NIPBL: variants seen among roughly 807,000 people sequenced by gnomAD.
NIPBL encodes the protein NIPBL cohesin loading factor.
In NIPBL, 19 loss-of-function variants were observed where a neutral mutation model predicts 321.8. The ratio of observed to expected loss-of-function variants is 0.06; its 90% CI spans 0.04 to 0.09. NIPBL has a LOEUF of 0.09. Among genes scored for constraint, NIPBL ranks in the 10% least tolerant of loss-of-function variants. The pLI is 1.00. For synonymous variants in NIPBL, 1,106 were observed against 1,114.1 expected, an observed-to-expected ratio of 0.99 and a Z score of 0.14; for missense variants, 2,210 against 3,327.0, an observed-to-expected ratio of 0.66 and a Z score of 8.26.
At chr5:37,021,985 C>T (rs1458358230) in intron 27 of NIPBL, 66 bp from the exon 28 acceptor site, 1 of 1,186,860 alleles carries the variant, frequency 8.4e-7, no homozygotes. Context: ...TGCATGTTTT[C>T]ATGCTATTTT....
chr5:37,013,412 A>G (rs1262231426), intron 21 of NIPBL, among the ~76,000 whole-genome samples: 1 of 136,892 alleles, frequency 7.3e-6, no homozygotes, highest in Non-Finnish European at 1.6e-5. Flanking sequence ...CTTCCCAGAC[A>G]GGGTGGCTGC....
intron 1 of NIPBL, among the ~76,000 whole-genome samples, chr5:36,927,910 T>C (rs1008279971): frequency 6.6e-6 from 1 of 151,984 alleles, no homozygotes; most frequent in African/African-American, 2.4e-5. Flanking sequence ...AGTCTCAAAA[T>C]CCTGGCCTCA....
chr5:36,926,772 A>G (rs1445478832), intron 1 of NIPBL, among the ~76,000 whole-genome samples: 2 of 152,090 alleles, frequency 1.3e-5, no homozygotes, highest in Non-Finnish European at 2.9e-5. Flanking sequence ...GGTATGTGAG[A>G]TATTTTGGTA....
chr5:37,063,730 T>G, intron 45 of NIPBL, 60 bp from the exon 46 acceptor site: 1 of 1,515,032 alleles, frequency 6.6e-7, no homozygotes, highest in Non-Finnish European at 9.0e-7. Flanking sequence ...CATTTAGGAA[T>G]TTGACAATCT....
At chr5:36,952,018 C>CTGTGTGTGTGTGTGTGTGTGTGTG (rs60067315) in intron 1 of NIPBL, among the ~76,000 whole-genome samples, 6 of 101,926 alleles carry the variant, frequency 5.9e-5, no homozygotes, top group African/African-American at 2.0e-4. Flanking sequence ...CTCTGTTAAA[C>CTGTGTGTGTGTGTGTGTGTGTGTG]TGTGTGTGTG....
chr5:37,041,253 T>TTTG (rs1752319958), intron 34 of NIPBL, among the ~76,000 whole-genome samples: 1 of 77,154 alleles, frequency 1.3e-5, no homozygotes, highest in Non-Finnish European at 2.3e-5. Context: ...TATGTGGTGG[T>TTTG]TTTTTTTTTT....
intron 46 of NIPBL, chr5:37,064,248 G>A (rs982732632): frequency 4.9e-5 from 67 of 1,373,146 alleles, no homozygotes; most frequent in Non-Finnish European, 6.1e-5. Flanking sequence ...TATTTTTATT[G>A]TTGCTAAGTT....
intron 1 of NIPBL, among the ~76,000 whole-genome samples, chr5:36,902,920 GT>G (rs1747342810): frequency 6.6e-6 from 1 of 151,840 alleles, no homozygotes; most frequent in African/African-American, 2.4e-5. Context: ...TTTTCCACCT[GT>G]TTTTGTAAAC....
chr5:36,912,199 G>C (rs1277867969), intron 1 of NIPBL, among the ~76,000 whole-genome samples: 1 of 152,156 alleles, frequency 6.6e-6, no homozygotes, highest in Non-Finnish European at 1.5e-5. Flanking sequence ...TAGGCTTGGT[G>C]CCTTATTTGA....
chr5:37,007,993 T>A lies in NIPBL; in HGVS notation c.4240-15T>A. The A allele has an allele frequency of 6.6e-7, 1 of 1,514,566 alleles. No homozygotes were observed. Among genetic ancestry groups the A allele is most frequent in the Non-Finnish European group, 9.2e-7 (1 of 1,089,672 alleles). The allele number at this position is 1,514,566 out of a possible 1,614,324, so 93.8% of individuals were successfully genotyped here. ...AACTAAAGGTGTATACTACTTACTC[T>A]TCTTTTTTAAACAGGTTTCATCTAT... is the stretch of plus-strand genomic sequence containing the variant. On this transcript the variant is annotated splice_polypyrimidine_tract_variant and intron_variant, in intron 18 of 46. Coordinates refer to ENST00000282516, the MANE Select transcript of NIPBL (RefSeq NM_133433.4).
At chr5:37,021,532 A>T (rs1749636496) in intron 27 of NIPBL, among the ~76,000 whole-genome samples, 1 of 150,072 alleles carries the variant, frequency 6.7e-6, no homozygotes, top group African/African-American at 2.5e-5. Context: ...AATACAAAAA[A>T]TTAGCTGCCA....
At chr5:37,045,722 A>T in intron 37 of NIPBL, 125 bp downstream of exon 37, 1 of 1,042,982 alleles carries the variant, frequency 9.6e-7, no homozygotes, top group Non-Finnish European at 1.5e-6. Flanking sequence ...AAAATTCTGA[A>T]AACAGTGCTG....
At chr5:37,027,272 C>A in intron 31 of NIPBL, 87 bp from the exon 32 acceptor site, 1 of 1,035,576 alleles carries the variant, frequency 9.7e-7, no homozygotes, top group Non-Finnish European at 1.5e-6. Context: ...AAAATTGAAA[C>A]ATGTTTCAGG....
At chr5:36,984,550 T>C in intron 9 of NIPBL, 126 bp from the exon 10 acceptor site, 3 of 758,172 alleles carry the variant, frequency 4.0e-6, no homozygotes, top group South Asian at 1.9e-5. Context: ...TGTGTACATA[T>C]TTGCATTTGC....
intron 1 of NIPBL, among the ~76,000 whole-genome samples, chr5:36,934,952 C>A (rs1326400983): frequency 6.6e-6 from 1 of 152,082 alleles, no homozygotes; most frequent in African/African-American, 2.4e-5. Flanking sequence ...TCACACTCAC[C>A]ATGCGCGTTG....
At chr5:36,983,814 G>A (rs902928470) in intron 9 of NIPBL, among the ~76,000 whole-genome samples, 49 of 152,088 alleles carry the variant, frequency 3.2e-4, no homozygotes, top group Non-Finnish European at 3.5e-4. Context: ...GTGTTTGTGT[G>A]TGTGTTTGTC....
chr5:36,886,334 G>T, intron 1 of NIPBL: 1 of 694,164 alleles, frequency 1.4e-6, no homozygotes, highest in Non-Finnish European at 2.6e-6. Context: ...GAGGCTGAGA[G>T]CGCCACCTGC....
chr5:36,994,879 A>ACT (rs200055865), intron 10 of NIPBL, among the ~76,000 whole-genome samples: 1 of 93,016 alleles, frequency 1.1e-5, no homozygotes, highest in Non-Finnish European at 1.9e-5. Context: ...TATTGCCTTG[A>ACT]CTCTTGTGGG....
intron 40 of NIPBL, 150 bp downstream of exon 40, chr5:37,049,451 C>G: frequency 1.2e-6 from 1 of 864,242 alleles, no homozygotes; most frequent in Non-Finnish European, 1.9e-6. Flanking sequence ...TAGATAATCT[C>G]TTGGGTTATG....
Sources: gnomAD v4.1 joint callset for allele counts (sites outside exome capture counted in the v4.1 genomes callset) on GRCh38, gnomAD v4.1.1 for gene constraint, MANE v1.5 for transcripts, NCBI Gene and HGNC (gene_info 2026-07-23, HGNC 2026-07-21) for gene names.